NKX3-2: variants seen among roughly 807,000 people sequenced by gnomAD.
The protein encoded by NKX3-2 is NK3 homeobox 2.
Under a neutral mutation model 19.4 loss-of-function variants are expected in NKX3-2, and 13 were observed. The ratio of observed to expected loss-of-function variants is 0.67; its 90% confidence interval spans 0.44 to 1.07. The LOEUF (loss-of-function observed/expected upper bound fraction) is 1.07. Ranked by LOEUF, NKX3-2 falls within the 50% of genes least tolerant of loss-of-function variation. The pLI is 0.00. For missense variants in NKX3-2, 562 were observed against 488.2 expected, an observed-to-expected ratio of 1.15 and a Z score of -1.42; for synonymous variants, 269 against 230.5, an observed-to-expected ratio of 1.17 and a Z score of -1.51.
upstream of NKX3-2, chr4:13,547,468 T>A (rs992190629): frequency 7.7e-5 from 22 of 284,592 alleles, no homozygotes; most frequent in Middle Eastern, 1.3e-3. Context: ...GGCACCGGGC[T>A]CGCTCAGCGT....
upstream of NKX3-2, chr4:13,544,728 C>T (rs914572952): frequency 2.1e-5 from 4 of 191,314 alleles, no homozygotes; most frequent in Non-Finnish European, 3.2e-5. Context: ...GGGTCTGCCC[C>T]CTCGGGGGAC....
Position 13,543,893 on chromosome 4 carries a change from G to A in NKX3-2, c.466+56C>T. The A allele has an allele frequency of 7.1e-7, 1 of 1,416,834 alleles. No individual in the cohort carries two copies. Among genetic ancestry groups the A allele is most frequent in the Admixed American group, 2.6e-5 (1 of 38,572 alleles). 87.8% of individuals were successfully genotyped at this position (1,416,834 alleles called of 1,614,324 possible). On this transcript the variant is annotated intron_variant, in intron 1 of 1. Transcript: ENST00000382438. The surrounding 1 kb of genome is among the most constrained non-coding windows in gnomAD (Gnocchi z 7.1). ...GCCGACCACCCCACTCGGCGTGGTT[G>A]CCCTCCGCGTCCATCCCCTCAGCCC...
At chr4:13,546,889 T>C (rs1166939348), upstream of NKX3-2, 4 of 455,912 alleles carry the variant, frequency 8.8e-6, no homozygotes, top group East Asian at 2.1e-4. Context: ...AAAGATGTGG[T>C]TTGGCGACTT....
upstream of NKX3-2, chr4:13,547,412 G>A: frequency 8.8e-6 from 3 of 341,200 alleles, no homozygotes; most frequent in South Asian, 6.5e-5. Flanking sequence ...CCCGGGAGTT[G>A]GCGGAGCTGC....
upstream of NKX3-2, chr4:13,546,102 T>C (rs184816514): frequency 3.8e-3 from 584 of 152,370 alleles, 4 homozygotes; most frequent in African/African-American, 0.014. Context: ...GATTTTAATT[T>C]ATTAAATTGC....
chr4:13,547,362 T>A (rs762564509), upstream of NKX3-2: 2 of 390,676 alleles, frequency 5.1e-6, no homozygotes, highest in South Asian at 3.7e-5. Context: ...CCAGGAACTC[T>A]GCAACCTCCC....
At position 13,543,911 on chromosome 4, in the gene NKX3-2, C is replaced by G. The variant is rs1366093957; in HGVS notation, c.466+38G>C. The G allele has an allele frequency of 6.6e-7, 1 of 1,508,476 alleles. No homozygotes were observed. Among genetic ancestry groups the G allele is most frequent in the East Asian group, 2.6e-5 (1 of 38,466 alleles). 93.4% of individuals were successfully genotyped at this position (1,508,476 alleles called of 1,614,324 possible). A position where few individuals can be genotyped will look rare whatever the true frequency, so the allele number is the denominator to read the frequency against. ...CGTGGTTGCCCTCCGCGTCCATCCC[C>G]TCAGCCCGGCCCCCATCCCCGCGAA... is the stretch of plus-strand genomic sequence containing the variant. On this transcript the variant is annotated intron_variant, in intron 1 of 1. Transcript: ENST00000382438. This position sits in a 1 kb window ranked among gnomAD's most constrained non-coding sequence, Gnocchi z 7.1.
chr4:13,546,792 C>T, upstream of NKX3-2: 1 of 392,506 alleles, frequency 2.5e-6, no homozygotes, highest in Non-Finnish European at 5.2e-6. Flanking sequence ...CTCCCCTCTT[C>T]CCTTTGATTC....
At chr4:13,545,376 G>A (rs1425554159), upstream of NKX3-2, among the ~76,000 whole-genome samples, 4 of 152,218 alleles carry the variant, frequency 2.6e-5, no homozygotes, top group East Asian at 7.7e-4. Context: ...GAAAATCCAA[G>A]ATAATGCAGT....
chr4:13,544,037 G>C lies in NKX3-2; in HGVS notation c.378C>G (p.Gly126=). The change falls in exon 1 of 2, where the codon GGC becomes GGG. Residue 126 remains glycine, a synonymous_variant. Coordinates refer to ENST00000382438, the MANE Select transcript of NKX3-2 (RefSeq NM_001189.4). ...AGLAGGSLSL[G]QPVCELAASK... is the part of the protein sequence containing the mutation. The stretch of plus-strand genomic sequence containing the variant: ...AAGCGGCCAGCTCACAGACCGGCTG[G>C]CCGAGGCTCAAGGATCCCCCCGCAA... The C allele has an allele frequency of 6.4e-7, 1 of 1,562,376 alleles. No individual in the cohort carries two copies. The highest frequency in any genetic ancestry group is 8.6e-7 in the Non-Finnish European group (1 of 1,157,066).
chr4:13,541,645 A>G lies in NKX3-2; in HGVS notation c.*348T>C. The G allele has an allele frequency of 3.7e-6, 1 of 272,662 alleles. No individual in the cohort carries two copies. Among genetic ancestry groups the G allele is most frequent in the Non-Finnish European group, 6.9e-6 (1 of 144,328 alleles). The allele number at this position is 272,662 out of a possible 1,614,324, so 16.9% of individuals were successfully genotyped here. On this transcript the variant is annotated 3_prime_UTR_variant, in exon 2 of 2. Transcript: ENST00000382438. ...TGAGGATTCAGGCTATGTGGTCTCC[A>G]GGAGTTGCCGCTCAGGGAAAACCCC...
Position 13,544,297 on chromosome 4 carries a change from C to CT in NKX3-2, c.117dup (p.Ala40SerfsTer92). On this transcript the variant is annotated frameshift_variant, in exon 1 of 2. Transcript: ENST00000382438. LOFTEE classifies it high-confidence loss of function. ...GCGGGAGCCGCGGCCACCGATGCCGCTGTGCCCCCGGGCGCCGGGCGCCCC... is the reference window on the plus strand; with the variant it reads ...GCGGGAGCCGCGGCCACCGATGCCGCTTGTGCCCCCGGGCGCCGGGCGCCCC... 6.5e-7 allele frequency: 1 copy of CT among 1,538,632 alleles called. No individual in the cohort carries two copies. The highest frequency in any genetic ancestry group is 8.7e-7 in the Non-Finnish European group (1 of 1,150,180).
upstream of NKX3-2, chr4:13,547,124 A>G (rs900557075): frequency 1.3e-5 from 6 of 456,216 alleles, no homozygotes; most frequent in African/African-American, 4.0e-5. Context: ...TGCTCCTAGC[A>G]AGGGGTCGGG....
At position 13,542,861 on chromosome 4, in the gene NKX3-2, G is replaced by A. The variant is rs954427150; in HGVS notation, c.467-333C>T. 3.9e-5 allele frequency among the ~76,000 whole-genome samples: 6 copies of A among 151,934 alleles called. No individual in the cohort carries two copies. The highest frequency in any genetic ancestry group is 6.6e-5 in the Admixed American group (1 of 15,264). ...CCCGAGCATCCGCGAAAGCCCTCCC[G>A]GCTCTCAGCGTTGAGCATTGGGATT... is the stretch of plus-strand genomic sequence containing the variant. On this transcript the variant is annotated intron_variant, in intron 1 of 1. Transcript: ENST00000382438. This position sits in a 1 kb window ranked among gnomAD's most constrained non-coding sequence, Gnocchi z 6.4.
rs1186897841 is a variant in NKX3-2, at chr4:13,543,052, G to T, written c.467-524C>A. Among the ~76,000 whole-genome samples the T allele has an allele frequency of 6.6e-6, 1 of 152,016 alleles. No homozygotes were observed. The highest frequency in any genetic ancestry group is 1.5e-5 in the Non-Finnish European group (1 of 68,010). On this transcript the variant is annotated intron_variant, in intron 1 of 1. Coordinates refer to ENST00000382438, the MANE Select transcript of NKX3-2 (RefSeq NM_001189.4). This position sits in a 1 kb window ranked among gnomAD's most constrained non-coding sequence, Gnocchi z 7.1. Reference sequence around the variant, plus strand: ...TATTTAGAATCTTTCACCCTCAGCCGCCTGGGATTGCTGTGAGAGACATGG... The same window carrying T: ...TATTTAGAATCTTTCACCCTCAGCCTCCTGGGATTGCTGTGAGAGACATGG...
chr4:13,547,052 G>A (rs1301191181), upstream of NKX3-2: 1 of 456,364 alleles, frequency 2.2e-6, no homozygotes, highest in African/African-American at 2.0e-5. Flanking sequence ...TGTAGGCAGA[G>A]CCGGGAGTTG....
upstream of NKX3-2, chr4:13,544,971 C>G (rs915308930): frequency 1.3e-5 from 2 of 152,308 alleles, no homozygotes; most frequent in South Asian, 2.1e-4. Context: ...GCGCGGGGAA[C>G]TTTTTTACCC....
At chr4:13,545,518 T>C (rs2109006666), upstream of NKX3-2, among the ~76,000 whole-genome samples, 1 of 152,310 alleles carries the variant, frequency 6.6e-6, no homozygotes. Context: ...AAATGATCAG[T>C]TAATTAAGAT....
Position 13,542,794 on chromosome 4 carries a change from T to C in NKX3-2, c.467-266A>G, listed in dbSNP as rs1718022740. ...TGTTGTCGAGACCAGCTCCCCACCC[T>C]CTCTGGGCCCCAGGCTCCCCTCAGT... On this transcript the variant is annotated intron_variant, in intron 1 of 1. Coordinates refer to ENST00000382438, the MANE Select transcript of NKX3-2 (RefSeq NM_001189.4). This position sits in a 1 kb window ranked among gnomAD's most constrained non-coding sequence, Gnocchi z 6.4. Among the ~76,000 whole-genome samples, 2 of 151,918 alleles carry C rather than the reference T, an allele frequency of 1.3e-5. No individual in the cohort carries two copies. Among genetic ancestry groups the C allele is most frequent in the African/African-American group, 4.8e-5 (2 of 41,368 alleles).
Sources: allele counts gnomAD v4.1 joint callset (sites outside exome capture counted in the v4.1 genomes callset), GRCh38; gene constraint gnomAD v4.1.1; non-coding constraint Gnocchi (gnomAD v3.1); transcripts MANE v1.5; gene names NCBI Gene and HGNC (gene_info 2026-07-23, HGNC 2026-07-21).